Variants in SLC16A7 observed in about 807,000 individuals in gnomAD.
The protein encoded by SLC16A7 is monocarboxylate transporter 2.
A neutral mutation model predicts 34.9 loss-of-function variants in SLC16A7; 33 were observed. That is an observed-to-expected ratio of 0.94 (90% CI 0.72 to 1.26). SLC16A7 has a LOEUF of 1.26. Ranked by LOEUF, SLC16A7 falls within the 50% of genes most tolerant of loss-of-function variation. SLC16A7 has a pLI of 0.00. For missense variants in SLC16A7, 573 were observed against 578.1 expected (o/e 0.99, Z 0.09); for synonymous variants, 201 against 206.6 (o/e 0.97, Z 0.23).
At chr12:59,656,663 A>G (rs895902822) in intron 2 of SLC16A7, among the ~76,000 whole-genome samples, 3 of 152,042 alleles carry the variant, frequency 2.0e-5, no homozygotes, top group African/African-American at 4.8e-5. Context: ...CAGAAAACAA[A>G]TACAGCTCAA....
At chr12:59,692,328 C>G (rs1240830282) in intron 2 of SLC16A7, among the ~76,000 whole-genome samples, 1 of 151,990 alleles carries the variant, frequency 6.6e-6, no homozygotes, top group Admixed American at 6.6e-5. Context: ...ACTCTTTTGC[C>G]ATATAAGGTA....
At chr12:59,649,656 T>C (rs1445318668) in intron 1 of SLC16A7, among the ~76,000 whole-genome samples, 1 of 152,060 alleles carries the variant, frequency 6.6e-6, no homozygotes, top group Admixed American at 6.6e-5. Context: ...TATTTTACTT[T>C]AAAAGTTCTA....
At chr12:59,612,838 C>T (rs914885383) in intron 1 of SLC16A7, among the ~76,000 whole-genome samples, 8 of 152,220 alleles carry the variant, frequency 5.3e-5, no homozygotes, top group African/African-American at 1.9e-4. Flanking sequence ...CTACATCAGC[C>T]CAGACTTCAT....
intron 2 of SLC16A7, among the ~76,000 whole-genome samples, chr12:59,686,755 A>G (rs2137084484): frequency 6.6e-6 from 1 of 152,192 alleles, no homozygotes; most frequent in South Asian, 2.1e-4. Flanking sequence ...TACATTCCCG[A>G]CTATTTTTTT....
chr12:59,602,859 G>A (rs549250642), intron 1 of SLC16A7, among the ~76,000 whole-genome samples: 7 of 152,158 alleles, frequency 4.6e-5, no homozygotes, highest in Admixed American at 2.0e-4. Context: ...ACCTCAGTAG[G>A]AATAACTCCC....
At chr12:59,694,286 G>A (rs748232795) in intron 2 of SLC16A7, among the ~76,000 whole-genome samples, 5 of 151,928 alleles carry the variant, frequency 3.3e-5, no homozygotes, top group Admixed American at 6.6e-5. Context: ...CTTAAGGATT[G>A]TTGGTTTTCT....
intron 1 of SLC16A7, among the ~76,000 whole-genome samples, chr12:59,613,387 G>T (rs932854308): frequency 1.3e-5 from 2 of 152,166 alleles, no homozygotes; most frequent in Non-Finnish European, 2.9e-5. Flanking sequence ...GATGAGATTT[G>T]GGTGGGGACA....
intron 2 of SLC16A7, among the ~76,000 whole-genome samples, chr12:59,695,144 A>C (rs974261981): frequency 6.6e-6 from 1 of 151,842 alleles, no homozygotes. Context: ...ATAAATTATG[A>C]GTGTAATTAA....
At chr12:59,764,484 C>A (rs1458562809) in intron 3 of SLC16A7, among the ~76,000 whole-genome samples, 2 of 126,796 alleles carry the variant, frequency 1.6e-5, no homozygotes, top group African/African-American at 2.9e-5. Flanking sequence ...CCTCCCCCCT[C>A]CCCCTCCACC....
chr12:59,612,933 C>T (rs1592390022), intron 1 of SLC16A7, among the ~76,000 whole-genome samples: 1 of 152,224 alleles, frequency 6.6e-6, no homozygotes, highest in East Asian at 1.9e-4. Flanking sequence ...TCCCTGTCTT[C>T]TTCTGAGCCC....
chr12:59,608,948 G>C (rs1339677088), intron 1 of SLC16A7, among the ~76,000 whole-genome samples: 2 of 152,152 alleles, frequency 1.3e-5, no homozygotes, highest in Non-Finnish European at 2.9e-5. Context: ...CAGTATTTAT[G>C]ATCAAAATTA....
Position 59,661,136 on chromosome 12 carries a change from G to T in SLC16A7, c.-31+5886G>T, listed in dbSNP as rs1475908330. ...AGATGCTTGTGGTATGTGAATGTTG[G>T]GAAGGGGAGGGGATAATGACCAGTT... On this transcript the variant is annotated intron_variant, in intron 2 of 5. Transcript: ENST00000547379. 2.0e-5 allele frequency among the ~76,000 whole-genome samples: 3 copies of T among 152,114 alleles called. No individual in the cohort carries two copies. The East Asian group carries it at 5.8e-4, about 29-fold the overall frequency.
chr12:59,603,023 C>T (rs1264234427), intron 1 of SLC16A7, among the ~76,000 whole-genome samples: 2 of 152,000 alleles, frequency 1.3e-5, no homozygotes, highest in African/African-American at 4.8e-5. Flanking sequence ...TTTCTGTCAC[C>T]CCCATTCTTC....
intron 4 of SLC16A7, 91 bp downstream of exon 4, chr12:59,771,453 T>TG: frequency 3.3e-6 from 3 of 921,676 alleles, no homozygotes; most frequent in Non-Finnish European, 4.6e-6. Flanking sequence ...TCTTATTTTC[T>TG]TTGAATTTAT....
At chr12:59,607,522 C>A (rs1472972007) in intron 1 of SLC16A7, among the ~76,000 whole-genome samples, 1 of 152,112 alleles carries the variant, frequency 6.6e-6, no homozygotes, top group Non-Finnish European at 1.5e-5. Context: ...ACTCAGTAAT[C>A]TGTGAGGCTA....
chr12:59,639,220 T>C (rs1193871317), intron 1 of SLC16A7, among the ~76,000 whole-genome samples: 6 of 152,058 alleles, frequency 3.9e-5, no homozygotes, highest in Non-Finnish European at 7.4e-5. Context: ...CTTTCTTATT[T>C]CTCTCCTTAC....
At chr12:59,730,592 C>T (rs550498863) in intron 3 of SLC16A7, among the ~76,000 whole-genome samples, 2 of 152,096 alleles carry the variant, frequency 1.3e-5, no homozygotes, top group African/African-American at 4.8e-5. Context: ...TTGGGATTGA[C>T]TTAGCTAAGG....
Position 59,778,324 on chromosome 12 carries a change from A to G in SLC16A7, c.1181-1099A>G, listed in dbSNP as rs546000930. ...CTTACTTAAATAAACCCATTATACC[A>G]TCTACCTGATTAAAACAGAAAATTT... On this transcript the variant is annotated intron_variant, in intron 5 of 5. Transcript: ENST00000547379. 7.9e-5 allele frequency among the ~76,000 whole-genome samples: 12 copies of G among 152,256 alleles called. No homozygotes were observed. In the South Asian group the frequency reaches 2.5e-3, roughly 32 times the overall value.
intron 2 of SLC16A7, among the ~76,000 whole-genome samples, chr12:59,690,854 A>G (rs141469122): frequency 6.6e-6 from 1 of 152,084 alleles, no homozygotes; most frequent in East Asian, 1.9e-4. Context: ...TGTAAACACT[A>G]GATAATATCT....
Sources: gnomAD v4.1 joint callset for allele counts (sites outside exome capture counted in the v4.1 genomes callset) on GRCh38, gnomAD v4.1.1 for gene constraint, MANE v1.5 for transcripts, NCBI Gene and HGNC (gene_info 2026-07-23, HGNC 2026-07-21) for gene names.